Variants in PLXDC1 observed in about 807,000 individuals in gnomAD.
The protein encoded by PLXDC1 is plexin domain-containing protein 1.
Under a neutral mutation model 61.3 loss-of-function variants are expected in PLXDC1, and 39 were observed. That is an observed-to-expected ratio of 0.64 (90% CI 0.49 to 0.83). The LOEUF (loss-of-function observed/expected upper bound fraction) is 0.83. Among genes scored for constraint, PLXDC1 ranks in the 40% least tolerant of loss-of-function variants. PLXDC1 has a pLI of 0.00. For missense variants in PLXDC1, 596 were observed against 666.5 expected (o/e 0.89, Z 1.17); for synonymous variants, 212 against 254.5 (o/e 0.83, Z 1.59).
chr17:39,068,689 G>A (rs1193372398), intron 13 of PLXDC1, among the ~76,000 whole-genome samples: 1 of 152,152 alleles, frequency 6.6e-6, no homozygotes, highest in Admixed American at 6.6e-5. Flanking sequence ...TAAATAAAAT[G>A]CAGATTCCTG....
chr17:39,086,859 CAAAAAA>C (rs765774886), intron 8 of PLXDC1, among the ~76,000 whole-genome samples: 50 of 71,510 alleles, frequency 7.0e-4, no homozygotes, highest in South Asian at 4.3e-3. Flanking sequence ...GAGACTGTCT[CAAAAAA>C]AAAAAAAAAA....
At chr17:39,134,755 T>A (rs539441892) in intron 2 of PLXDC1, among the ~76,000 whole-genome samples, 194 of 151,102 alleles carry the variant, frequency 1.3e-3, no homozygotes, top group Non-Finnish European at 2.2e-3. Context: ...GGGACAAGAG[T>A]GCAAGCCTCT....
chr17:39,077,022 C>T (rs1453807856), intron 11 of PLXDC1, among the ~76,000 whole-genome samples: 5 of 152,042 alleles, frequency 3.3e-5, no homozygotes, highest in East Asian at 1.9e-4. Flanking sequence ...CGTGAGCCAC[C>T]GCGCCCGGCC....
chr17:39,144,872 C>A (rs1435648557), intron 1 of PLXDC1: 1 of 152,240 alleles, frequency 6.6e-6, no homozygotes, highest in Non-Finnish European at 1.5e-5. Context: ...AAAATGATAG[C>A]TGACTTTCAG....
At chr17:39,097,902 TA>T (rs71141758) in intron 7 of PLXDC1, among the ~76,000 whole-genome samples, 35,939 of 102,598 alleles carry the variant, frequency 0.35, 5,576 homozygotes, top group Non-Finnish European at 0.41. Context: ...ACCCTGTCTA[TA>T]AAAAAAAAAA....
rs192322171 is a variant in PLXDC1, at chr17:39,086,586, G to A, written c.907+1021C>T. Among the ~76,000 whole-genome samples, 3 of 152,190 alleles carry A rather than the reference G, an allele frequency of 2.0e-5. No homozygotes were observed. The East Asian group carries it at 5.8e-4, about 29-fold the overall frequency. ...CTCACGCCTGAAATCCCAGCACCAG[G>A]CGTGGTGGCTCACACCTGTAATCCC... On this transcript the variant is annotated intron_variant, in intron 8 of 13. Transcript: ENST00000315392.
chr17:39,146,156 C>T (rs1386266245), intron 1 of PLXDC1, among the ~76,000 whole-genome samples: 2 of 151,556 alleles, frequency 1.3e-5, no homozygotes, highest in East Asian at 3.9e-4. Context: ...CTGCAACCTC[C>T]ACCTCTCGGG....
Position 39,113,729 on chromosome 17 carries a change from T to C in PLXDC1, c.256-4338A>G, listed in dbSNP as rs144723802. On this transcript the variant is annotated intron_variant, in intron 2 of 13. Coordinates refer to ENST00000315392, the MANE Select transcript of PLXDC1 (RefSeq NM_020405.5). Reference sequence around the variant, plus strand: ...CACTGGGTATGGTGGTGCATGCCTGTAGTCCCAGCAACTCAGGAGGCTGAG... The same window carrying C: ...CACTGGGTATGGTGGTGCATGCCTGCAGTCCCAGCAACTCAGGAGGCTGAG... Among the ~76,000 whole-genome samples the C allele has an allele frequency of 1.1e-3, 163 of 152,112 alleles. 2 individuals carry two copies. Among genetic ancestry groups the C allele is most frequent in the East Asian group, 4.5e-3 (23 of 5,168 alleles).
intron 9 of PLXDC1, among the ~76,000 whole-genome samples, chr17:39,082,036 A>G (rs1332750462): frequency 1.3e-5 from 2 of 152,222 alleles, no homozygotes; most frequent in East Asian, 3.8e-4. Context: ...TTTACAGGGT[A>G]AACAATCTGA....
intron 2 of PLXDC1, among the ~76,000 whole-genome samples, chr17:39,135,570 G>C (rs1467996469): frequency 6.6e-6 from 1 of 151,886 alleles, no homozygotes; most frequent in Non-Finnish European, 1.5e-5. Flanking sequence ...CCAGCTACTT[G>C]GGAGGCTGAG....
At chr17:39,148,996 CT>C (rs2045357786) in intron 1 of PLXDC1, among the ~76,000 whole-genome samples, 1 of 152,158 alleles carries the variant, frequency 6.6e-6, no homozygotes, top group African/African-American at 2.4e-5. Flanking sequence ...GCTGCCTCTT[CT>C]TTATCTGTCA....
intron 1 of PLXDC1, among the ~76,000 whole-genome samples, chr17:39,142,115 C>T (rs1015437377): frequency 1.3e-5 from 2 of 152,178 alleles, no homozygotes; most frequent in Admixed American, 6.6e-5. Flanking sequence ...TAGCACCACG[C>T]TCCTCCCCAT....
At position 39,078,016 on chromosome 17, in the gene PLXDC1, A is replaced by G. The variant is rs758904808; in HGVS notation, c.1083T>C (p.Asp361=). The change falls in exon 11 of 14, where the codon GAT becomes GAC. Residue 361 remains aspartate, a synonymous_variant. Transcript: ENST00000315392. The stretch of plus-strand genomic sequence containing the variant: ...CAGGGGAGGCTGAGTCGTGGTCCTC[A>G]TCCTGGAAGTCCTCGCACATCCTGC... ...AEGRMCEDFQ[D]EDHDSASPDT... is the part of the protein sequence containing the mutation. 1.9e-6 allele frequency: 3 copies of G among 1,612,268 alleles called. No individual in the cohort carries two copies. The African/African-American group carries it at 4.0e-5, about 22-fold the overall frequency.
chr17:39,138,284 T>C (rs1214872135), intron 2 of PLXDC1, among the ~76,000 whole-genome samples: 1 of 152,006 alleles, frequency 6.6e-6, no homozygotes. Flanking sequence ...AAAATGTAGC[T>C]ACGGTAGGCA....
intron 7 of PLXDC1, among the ~76,000 whole-genome samples, chr17:39,103,874 C>A (rs1356975740): frequency 1.3e-5 from 2 of 149,004 alleles, no homozygotes; most frequent in Non-Finnish European, 3.0e-5. Context: ...AATAGTAATT[C>A]ATGGAAATGG....
rs1265519055 is a variant in PLXDC1 at position 39,063,570 on chromosome 17, GCCACT to G, written c.*4265_*4269del. 2.9e-6 allele frequency: 2 copies of G among 693,004 alleles called. No individual in the cohort carries two copies. Among genetic ancestry groups the G allele is most frequent in the Admixed American group, 2.1e-5 (1 of 47,288 alleles). 42.9% of individuals were successfully genotyped at this position (693,004 alleles called of 1,614,324 possible). A position where few individuals can be genotyped will look rare whatever the true frequency, so the allele number is the denominator to read the frequency against. ...AGGTATGTGTGGTGATCTTCGGAAT[GCCACT>G]CCAAATCCTTTGCACTTTCTTTTGC... On this transcript the variant is annotated 3_prime_UTR_variant, in exon 14 of 14. Transcript: ENST00000315392.
intron 9 of PLXDC1, among the ~76,000 whole-genome samples, chr17:39,082,416 T>A (rs1409487269): frequency 6.6e-6 from 1 of 151,682 alleles, no homozygotes; most frequent in East Asian, 1.9e-4. Flanking sequence ...TACAAAAAAA[T>A]TAGCTGGGTG....
chr17:39,114,981 G>A (rs72823312), intron 2 of PLXDC1, among the ~76,000 whole-genome samples: 4,099 of 152,274 alleles, frequency 0.027, 57 homozygotes, highest in African/African-American at 0.043. Flanking sequence ...GTCTCTTGCC[G>A]CCTCAGCTAA....
intron 2 of PLXDC1, among the ~76,000 whole-genome samples, chr17:39,128,119 A>ATATGTG (rs1597655753): frequency 8.0e-6 from 1 of 124,804 alleles, no homozygotes; most frequent in African/African-American, 3.3e-5. Context: ...ATATATGTAT[A>ATATGTG]TATATATGTG....
Sources: gnomAD v4.1 joint callset for allele counts (sites outside exome capture counted in the v4.1 genomes callset) on GRCh38, gnomAD v4.1.1 for gene constraint, MANE v1.5 for transcripts, NCBI Gene and HGNC (gene_info 2026-07-23, HGNC 2026-07-21) for gene names.